GRID2: variants seen among roughly 807,000 people sequenced by gnomAD.
GRID2 encodes glutamate ionotropic receptor delta type subunit 2.
A neutral mutation model predicts 114.8 loss-of-function variants in GRID2; 33 were observed. The ratio of observed to expected loss-of-function variants is 0.29; its 90% CI spans 0.22 to 0.38. GRID2 has a LOEUF of 0.38. GRID2 is among the 10% of genes least tolerant of loss of function. GRID2 has a pLI of 1.00. For synonymous variants in GRID2, 505 were observed against 449.9 expected (o/e 1.12, Z -1.55); for missense variants, 1,184 against 1,257.7 (o/e 0.94, Z 0.89).
chr4:93,761,605 T>C (rs1029404802), intron 14 of GRID2, among the ~76,000 whole-genome samples: 14 of 152,306 alleles, frequency 9.2e-5, no homozygotes, highest in South Asian at 8.3e-4. Flanking sequence ...GTTATGAATT[T>C]ATTTGAAATA....
intron 2 of GRID2, among the ~76,000 whole-genome samples, chr4:92,937,457 A>C (rs1309773857): frequency 2.0e-5 from 3 of 146,740 alleles, no homozygotes; most frequent in African/African-American, 7.3e-5. Flanking sequence ...TCTTGCCTTC[A>C]AAAAATGGTC....
chr4:93,758,840 G>A (rs1456969183), intron 14 of GRID2, among the ~76,000 whole-genome samples: 6 of 152,240 alleles, frequency 3.9e-5, no homozygotes, highest in Middle Eastern at 6.8e-3. Flanking sequence ...AGAGATGATC[G>A]TTGCCAGTTT....
intron 13 of GRID2, among the ~76,000 whole-genome samples, chr4:93,560,063 C>T (rs1199729025): frequency 2.6e-5 from 4 of 151,604 alleles, no homozygotes; most frequent in Admixed American, 2.6e-4. Flanking sequence ...GAACATCACA[C>T]ACTGGGGCCT....
At chr4:93,285,377 A>G (rs1422636999) in intron 8 of GRID2, among the ~76,000 whole-genome samples, 2 of 152,084 alleles carry the variant, frequency 1.3e-5, no homozygotes, top group Non-Finnish European at 2.9e-5. Flanking sequence ...TGTAAGAAAA[A>G]TAGTGAATCT....
chr4:92,880,667 CA>C (rs1234466318), intron 2 of GRID2, among the ~76,000 whole-genome samples: 6 of 151,718 alleles, frequency 4.0e-5, no homozygotes, highest in African/African-American at 1.5e-4. Context: ...ATGGCCTTTT[CA>C]AAAAAACAAA....
chr4:92,982,022 TAAAAAAAA>T lies in GRID2; in HGVS notation c.245-102957_245-102950del, dbSNP rs1161216679. On this transcript the variant is annotated intron_variant, in intron 2 of 15. Coordinates refer to ENST00000282020, the MANE Select transcript of GRID2 (RefSeq NM_001510.4). ...GTATCTTCACAGTCTAAAGTACTGG[TAAAAAAAA>T]AAAAAAAAAAAAAAAGAAAAAGAAA... 1.6e-4 allele frequency among the ~76,000 whole-genome samples: 13 copies of T among 80,196 alleles called. No individual in the cohort carries two copies. The East Asian group carries it at 1.6e-3, about 10-fold the overall frequency. 52.6% of individuals were successfully genotyped at this position (80,196 alleles called of 152,430 possible).
chr4:93,207,443 A>T lies in GRID2; in HGVS notation c.775A>T (p.Ile259Phe). Residue 259 changes from isoleucine (I) to phenylalanine (F), a missense_variant, in exon 5 of 16, where the codon ATC becomes TTC. Ile to Phe is a conservative substitution (Grantham distance 21, BLOSUM62 0). Coordinates refer to ENST00000282020, the MANE Select transcript of GRID2 (RefSeq NM_001510.4). ...TNLVAFDCHWIIINEEINDVD... is the reference protein window; with the variant it reads ...TNLVAFDCHWFIINEEINDVD... ...TTTGGTTGCTTTTGACTGTCACTGG[A>T]TCATTATAAATGAGGTAAAGCCAAC... The T allele has an allele frequency of 1.3e-6, 2 of 1,592,944 alleles. No homozygotes were observed. Among genetic ancestry groups the T allele is most frequent in the Non-Finnish European group, 1.7e-6 (2 of 1,161,416 alleles).
At chr4:92,480,536 A>G (rs1004534244) in intron 1 of GRID2, among the ~76,000 whole-genome samples, 1 of 152,084 alleles carries the variant, frequency 6.6e-6, no homozygotes, top group African/African-American at 2.4e-5. Context: ...GGTGGCTTCT[A>G]ACAACAGAAA....
intron 2 of GRID2, among the ~76,000 whole-genome samples, chr4:93,038,911 G>A (rs539113441): frequency 5.1e-4 from 78 of 152,184 alleles, no homozygotes; most frequent in African/African-American, 1.6e-3. Flanking sequence ...ACAGTGTGGC[G>A]ATTCCTCAAG....
At chr4:92,398,171 T>G (rs1730599917) in intron 1 of GRID2, among the ~76,000 whole-genome samples, 1 of 152,082 alleles carries the variant, frequency 6.6e-6, no homozygotes, top group South Asian at 2.1e-4. Context: ...CATATGCAAT[T>G]AAGAAGATGG....
intron 1 of GRID2, among the ~76,000 whole-genome samples, chr4:92,506,382 A>G (rs1198977517): frequency 6.6e-6 from 1 of 152,016 alleles, no homozygotes; most frequent in Non-Finnish European, 1.5e-5. Flanking sequence ...TCAAAGTGTC[A>G]TGGATGCATA....
intron 8 of GRID2, among the ~76,000 whole-genome samples, chr4:93,394,045 T>G (rs888645497): frequency 8.6e-5 from 13 of 151,994 alleles, no homozygotes; most frequent in Admixed American, 4.6e-4. Context: ...CAATATTATT[T>G]GGTCTAGGAA....
chr4:93,728,039 G>A (rs541313679), intron 14 of GRID2, among the ~76,000 whole-genome samples: 1 of 152,072 alleles, frequency 6.6e-6, no homozygotes, highest in Admixed American at 6.6e-5. Context: ...TTTTGAATGT[G>A]TTTTCTCTTG....
chr4:92,425,618 T>C (rs938590936), intron 1 of GRID2, among the ~76,000 whole-genome samples: 4 of 152,198 alleles, frequency 2.6e-5, no homozygotes, highest in Middle Eastern at 3.4e-3. Context: ...TTCTGTAGTA[T>C]GTTTGTGTAG....
At chr4:92,745,610 C>T (rs947852270) in intron 2 of GRID2, among the ~76,000 whole-genome samples, 2 of 151,950 alleles carry the variant, frequency 1.3e-5, no homozygotes, top group African/African-American at 2.4e-5. Context: ...TGTTATGAAA[C>T]AACTAGATAT....
intron 14 of GRID2, among the ~76,000 whole-genome samples, chr4:93,755,066 C>T (rs1444393751): frequency 3.3e-5 from 5 of 152,094 alleles, no homozygotes; most frequent in Admixed American, 3.3e-4. Flanking sequence ...GCAAGTAGTT[C>T]TCATGAACTT....
chr4:93,775,370 A>C (rs1734348396), downstream of GRID2, among the ~76,000 whole-genome samples: 1 of 152,182 alleles, frequency 6.6e-6, no homozygotes, highest in Admixed American at 6.5e-5. Context: ...TCACACCAAC[A>C]TAGGTCCTCA....
intron 1 of GRID2, among the ~76,000 whole-genome samples, chr4:92,519,128 A>T (rs990969449): frequency 4.6e-5 from 7 of 151,914 alleles, no homozygotes; most frequent in Middle Eastern, 3.2e-3. Flanking sequence ...TTTAACCTTT[A>T]TTTAGCTTGG....
chr4:92,371,671 T>C (rs1050816061), intron 1 of GRID2, among the ~76,000 whole-genome samples: 5 of 152,156 alleles, frequency 3.3e-5, no homozygotes, highest in Non-Finnish European at 5.9e-5. Context: ...CTGATGGAGA[T>C]GTACAAGGAG....
Sources: gnomAD v4.1 joint callset for allele counts (sites outside exome capture counted in the v4.1 genomes callset) on GRCh38, gnomAD v4.1.1 for gene constraint, MANE v1.5 for transcripts, NCBI Gene and HGNC (gene_info 2026-07-23, HGNC 2026-07-21) for gene names.